Variants in POLR3GL observed in about 807,000 individuals in gnomAD.
The protein encoded by POLR3GL is DNA-directed RNA polymerase III subunit RPC7-like.
A neutral mutation model predicts 32.4 loss-of-function variants in POLR3GL; 26 were observed. The observed-to-expected ratio is 0.80, with a 90% CI of 0.59 to 1.11. The LOEUF (loss-of-function observed/expected upper bound fraction) is 1.11. Among genes scored for constraint, POLR3GL ranks in the 50% most tolerant of loss-of-function variants. The pLI is 0.00. For synonymous variants in POLR3GL, 95 were observed against 98.7 expected, an observed-to-expected ratio of 0.96 and a Z score of 0.22; for missense variants, 229 against 280.1, an observed-to-expected ratio of 0.82 and a Z score of 1.30.
At chr1:145,970,459 G>GT (rs1164103514) in intron 1 of POLR3GL, among the ~76,000 whole-genome samples, 5 of 151,602 alleles carry the variant, frequency 3.3e-5, no homozygotes, top group African/African-American at 9.7e-5. Flanking sequence ...AGTTTTTTTT[G>GT]TTTTTTGTTT....
intron 1 of POLR3GL, among the ~76,000 whole-genome samples, chr1:145,972,324 G>C (rs868974712): frequency 5.1e-4 from 76 of 150,472 alleles, no homozygotes; most frequent in African/African-American, 1.8e-3. Context: ...AGGTTGCAGC[G>C]AGCCGAGATC....
At chr1:145,977,648 C>T in intron 5 of POLR3GL, 109 bp downstream of exon 5, 1 of 1,304,022 alleles carries the variant, frequency 7.7e-7, no homozygotes, top group Non-Finnish European at 1.1e-6. Flanking sequence ...ACCCAATCTA[C>T]CAAGTGTTGT....
Position 145,977,116 on chromosome 1 carries a change from T to G in POLR3GL, c.289T>G (p.Ser97Ala). 6.2e-7 allele frequency: 1 copy of G among 1,613,936 alleles called. No homozygotes were observed. The part of the protein sequence containing the change: ...VERYSDKYQM[S>A]GPIDNAIDWN... ...GCGTTATTCAGACAAATATCAGATG[T>G]CAGGTCCGATTGACAATGCCATCGA... Residue 97 changes from serine (S) to alanine (A), a missense_variant, in exon 4 of 8, where the codon TCA becomes GCA. Coordinates refer to ENST00000369314, the MANE Select transcript of POLR3GL (RefSeq NM_032305.3).
chr1:145,966,160 A>G (rs1650016093), intron 1 of POLR3GL, among the ~76,000 whole-genome samples: 1 of 149,818 alleles, frequency 6.7e-6, no homozygotes, highest in Non-Finnish European at 1.5e-5. Flanking sequence ...GTCCTTTTAC[A>G]GTGGAATTGG....
intron 1 of POLR3GL, among the ~76,000 whole-genome samples, chr1:145,970,330 G>A (rs1650220872): frequency 6.6e-6 from 1 of 151,960 alleles, no homozygotes; most frequent in South Asian, 2.1e-4. Context: ...ATTTTTTGTA[G>A]AGATGGAATC....
intron 1 of POLR3GL, among the ~76,000 whole-genome samples, chr1:145,970,365 C>T (rs994772263): frequency 2.0e-5 from 3 of 152,120 alleles, no homozygotes; most frequent in Admixed American, 6.5e-5. Context: ...CGGCTGGTCT[C>T]AAACTCCTGG....
intron 1 of POLR3GL, among the ~76,000 whole-genome samples, chr1:145,973,599 C>T (rs587614872): frequency 1.3e-5 from 2 of 152,086 alleles, no homozygotes; most frequent in African/African-American, 4.8e-5. Context: ...GTAGTCCCAG[C>T]TACTCAGGAA....
chr1:145,978,740 C>T lies in POLR3GL; in HGVS notation c.*293C>T. ...TTGTTAGAGCTGAGATGACTGTACA[C>T]ATACCCCTGCCCAATTTATATAGCT... On this transcript the variant is annotated 3_prime_UTR_variant, in exon 8 of 8. Transcript: ENST00000369314. 5.5e-6 allele frequency: 2 copies of T among 362,858 alleles called. No individual in the cohort carries two copies. The highest frequency in any genetic ancestry group is 4.2e-5 in the African/African-American group (2 of 47,344). 22.5% of individuals were successfully genotyped at this position (362,858 alleles called of 1,614,324 possible). A position where few individuals can be genotyped will look rare whatever the true frequency, so the allele number is the denominator to read the frequency against.
rs1553763495 is a variant in POLR3GL at position 145,977,043 on chromosome 1, G to C, written c.257-41G>C. On this transcript the variant is annotated intron_variant, in intron 3 of 7. Coordinates refer to ENST00000369314, the MANE Select transcript of POLR3GL (RefSeq NM_032305.3). ...GACTCTCAGGAACAGTCCTGTTCTG[G>C]GTCTCTGAAGGGATAAAACTTTGAC... is the stretch of plus-strand genomic sequence containing the variant. 2.6e-6 allele frequency: 4 copies of C among 1,513,778 alleles called. No homozygotes were observed. The Admixed American group carries it at 6.7e-5, about 25-fold the overall frequency. 93.8% of individuals were successfully genotyped at this position (1,513,778 alleles called of 1,614,324 possible). A position where few individuals can be genotyped will look rare whatever the true frequency, so the allele number is the denominator to read the frequency against.
chr1:145,972,673 ATTTTTTTC>A (rs1317151616), intron 1 of POLR3GL, among the ~76,000 whole-genome samples: 2 of 151,470 alleles, frequency 1.3e-5, no homozygotes, highest in Non-Finnish European at 2.9e-5. Context: ...CAATATGTTT[ATTTTTTTC>A]GTTTTTTCTC....
chr1:145,977,278 T>C, intron 4 of POLR3GL, 126 bp downstream of exon 4: 1 of 944,976 alleles, frequency 1.1e-6, no homozygotes, highest in Non-Finnish European at 1.7e-6. Flanking sequence ...GAGCCTTAGT[T>C]ATGGTCCAAC....
At chr1:145,966,213 C>T (rs1351669580) in intron 1 of POLR3GL, among the ~76,000 whole-genome samples, 1 of 151,216 alleles carries the variant, frequency 6.6e-6, no homozygotes, top group Non-Finnish European at 1.5e-5. Flanking sequence ...GGCGTGGTGG[C>T]TCATGCCTGT....
intron 1 of POLR3GL, among the ~76,000 whole-genome samples, chr1:145,973,431 G>T (rs905524399): frequency 6.6e-6 from 1 of 152,124 alleles, no homozygotes; most frequent in Non-Finnish European, 1.5e-5. Context: ...ACAAAGTAGG[G>T]TCAGGGGTGG....
intron 4 of POLR3GL, 66 bp from the exon 5 acceptor site, chr1:145,977,417 C>T (rs1384016342): frequency 1.7e-5 from 25 of 1,489,952 alleles, no homozygotes; most frequent in Non-Finnish European, 2.0e-5. Flanking sequence ...CCCTTTAAAA[C>T]CAGTCAGTAT....
At chr1:145,965,657 A>C (rs1382178806) in intron 1 of POLR3GL, among the ~76,000 whole-genome samples, 1 of 152,188 alleles carries the variant, frequency 6.6e-6, no homozygotes. Context: ...CTATGTAGTA[A>C]ATTTTTACCC....
At chr1:145,974,740 G>A (rs1039806586) in intron 1 of POLR3GL, 85 bp from the exon 2 acceptor site, 4 of 925,178 alleles carry the variant, frequency 4.3e-6, no homozygotes, top group Non-Finnish European at 4.5e-6. Flanking sequence ...ATGTCCCAGA[G>A]ATAAAAGATT....
intron 3 of POLR3GL, among the ~76,000 whole-genome samples, chr1:145,976,221 A>ACAC (rs1332308335): frequency 1.3e-5 from 2 of 151,626 alleles, no homozygotes; most frequent in African/African-American, 4.8e-5. Flanking sequence ...TGGGAGGTGG[A>ACAC]GGTTGCAGTG....
Position 145,972,536 on chromosome 1 carries a change from A to C in POLR3GL, c.-41-2289A>C, listed in dbSNP as rs115282851. ...TATTTATATCACTATGGACTCACAG[A>C]TATTTATCTTATACTTTGGGGTTAT... is the stretch of plus-strand genomic sequence containing the variant. On this transcript the variant is annotated intron_variant, in intron 1 of 7. Coordinates refer to ENST00000369314, the MANE Select transcript of POLR3GL (RefSeq NM_032305.3). Among the ~76,000 whole-genome samples the C allele has an allele frequency of 9.8e-3, 1,485 of 152,224 alleles. 25 individuals are homozygous for C. Among genetic ancestry groups the C allele is most frequent in the African/African-American group, 0.034 (1,404 of 41,530 alleles).
Position 145,977,073 on chromosome 1 carries a change from C to T in POLR3GL, c.257-11C>T, listed in dbSNP as rs1553763506. ...CTGAAGGGATAAAACTTTGACCCTT[C>T]CACCCCTCAGATGTGGAGCGTTATT... On this transcript the variant is annotated splice_polypyrimidine_tract_variant and intron_variant, in intron 3 of 7. Transcript: ENST00000369314. 2 of 1,612,790 alleles carry T rather than the reference C, an allele frequency of 1.2e-6. No individual in the cohort carries two copies. The highest frequency in any genetic ancestry group is 1.7e-6 in the Non-Finnish European group (2 of 1,178,886).
Sources: allele counts gnomAD v4.1 joint callset (sites outside exome capture counted in the v4.1 genomes callset), GRCh38; gene constraint gnomAD v4.1.1; transcripts MANE v1.5; gene names NCBI Gene and HGNC (gene_info 2026-07-23, HGNC 2026-07-21).